NDST3: variants seen among roughly 807,000 people sequenced by gnomAD.
NDST3 encodes bifunctional heparan sulfate N-deacetylase/N-sulfotransferase 3.
In NDST3, 58 loss-of-function variants were observed where a neutral mutation model predicts 96.1. That is an observed-to-expected ratio of 0.60 (90% CI 0.49 to 0.75). The LOEUF is 0.75. NDST3 is among the 30% of genes least tolerant of loss of function. The pLI is 0.00. For synonymous variants in NDST3, 333 were observed against 359.7 expected, an observed-to-expected ratio of 0.93 and a Z score of 0.84; for missense variants, 788 against 1,034.2, an observed-to-expected ratio of 0.76 and a Z score of 3.27.
chr4:118,222,708 G>A (rs1005351756), intron 6 of NDST3, among the ~76,000 whole-genome samples: 1 of 151,934 alleles, frequency 6.6e-6, no homozygotes, highest in Admixed American at 6.6e-5. Context: ...TTCCAAATCA[G>A]GTTCAGTTTC....
intron 1 of NDST3, among the ~76,000 whole-genome samples, chr4:118,046,087 G>T (rs1280740107): frequency 6.6e-6 from 1 of 152,088 alleles, no homozygotes; most frequent in East Asian, 1.9e-4. Flanking sequence ...AAAGTAGATG[G>T]AGATGCAATG....
chr4:118,252,746 CT>C (rs751940055), intron 12 of NDST3, among the ~76,000 whole-genome samples: 1 of 152,072 alleles, frequency 6.6e-6, no homozygotes, highest in Non-Finnish European at 1.5e-5. Context: ...CAAAAATTAG[CT>C]GCGCATGATG....
At chr4:118,092,212 A>G (rs373383661) in intron 2 of NDST3, among the ~76,000 whole-genome samples, 91 of 127,772 alleles carry the variant, frequency 7.1e-4, no homozygotes, top group African/African-American at 2.2e-3. Flanking sequence ...TCCCTAAGGT[A>G]GGTATTTTCA....
intron 6 of NDST3, among the ~76,000 whole-genome samples, chr4:118,179,355 T>C (rs567399343): frequency 6.6e-6 from 1 of 152,160 alleles, no homozygotes; most frequent in East Asian, 1.9e-4. Flanking sequence ...TTTATTCCTA[T>C]AAATCAGATA....
chr4:118,055,154 A>C, intron 2 of NDST3: 1 of 476,286 alleles, frequency 2.1e-6, no homozygotes, highest in Non-Finnish European at 3.8e-6. Context: ...ACTAGAGTAG[A>C]AGTCATTTCG....
chr4:118,135,512 T>C (rs1489779841), intron 4 of NDST3, among the ~76,000 whole-genome samples: 1 of 152,172 alleles, frequency 6.6e-6, no homozygotes, highest in Non-Finnish European at 1.5e-5. Flanking sequence ...TCCAGAACTA[T>C]ACTATCTTCC....
At chr4:118,192,815 T>C (rs953240921) in intron 6 of NDST3, among the ~76,000 whole-genome samples, 1 of 151,982 alleles carries the variant, frequency 6.6e-6, no homozygotes, top group Non-Finnish European at 1.5e-5. Flanking sequence ...TGAGGGGGTT[T>C]GGGGACACAA....
chr4:118,201,693 T>C (rs1738098112), intron 6 of NDST3, among the ~76,000 whole-genome samples: 1 of 152,222 alleles, frequency 6.6e-6, no homozygotes, highest in South Asian at 2.1e-4. Context: ...TAGGCCATTG[T>C]TGGATGCATA....
chr4:118,193,345 C>G (rs1737437432), intron 6 of NDST3: 1 of 440,180 alleles, frequency 2.3e-6, no homozygotes, highest in South Asian at 3.6e-5. Flanking sequence ...ACAAAACTAA[C>G]AGGGCAGAGT....
At chr4:118,127,540 C>T (rs923029349) in intron 4 of NDST3, among the ~76,000 whole-genome samples, 4 of 151,968 alleles carry the variant, frequency 2.6e-5, no homozygotes, top group Non-Finnish European at 5.9e-5. Context: ...TGTTCTATTC[C>T]ATTGGTCTAT....
rs1033026192 is a variant in NDST3 at position 118,237,008 on chromosome 4, A to G, written c.1944-38A>G. 7 of 1,499,636 alleles carry G rather than the reference A, an allele frequency of 4.7e-6. No individual in the cohort carries two copies. In the African/African-American group the frequency reaches 7.0e-5, roughly 15 times the overall value. 92.9% of individuals were successfully genotyped at this position (1,499,636 alleles called of 1,614,324 possible). ...TCTTTGGTCACCAGAATGAGTATAA[A>G]CCAGAATCTTATTTTGAGAAAAATA... On this transcript the variant is annotated intron_variant, in intron 9 of 13. Transcript: ENST00000296499.
At position 118,138,123 on chromosome 4, in the gene NDST3, G is replaced by A. The variant is rs754311821; in HGVS notation, c.1294G>A (p.Val432Ile). The A allele has an allele frequency of 5.0e-6, 8 of 1,613,966 alleles. No homozygotes were observed. The highest frequency in any genetic ancestry group is 1.7e-5 in the Admixed American group (1 of 59,998). The change falls in exon 5 of 14, where the codon GTT becomes ATT. Residue 432 changes from valine (V) to isoleucine (I), a missense_variant. Physicochemically the swap from Val to Ile is conservative, Grantham distance 29 (BLOSUM62 3). Around this residue, in one of 3 missense-constraint regions of NDST3, gnomAD observed 490 missense variants for 708.8 expected, o/e 0.69. Coordinates refer to ENST00000296499, the MANE Select transcript of NDST3 (RefSeq NM_004784.3). ...PHHSGVYPVH[V>I]QLYEAWKKVW... ...CCATTCGGGCGTCTACCCTGTACAT[G>A]TTCAGCTTTATGAGGCCTGGAAGAA...
At chr4:118,098,552 T>C (rs1412321776) in intron 2 of NDST3, among the ~76,000 whole-genome samples, 2 of 152,036 alleles carry the variant, frequency 1.3e-5, no homozygotes, top group East Asian at 3.9e-4. Context: ...AGAACTCCTC[T>C]GGGAAAATCA....
chr4:118,147,686 T>C (rs541622979), intron 6 of NDST3, among the ~76,000 whole-genome samples: 4 of 152,306 alleles, frequency 2.6e-5, no homozygotes, highest in African/African-American at 4.8e-5. Flanking sequence ...GTTCCACCTA[T>C]CTTAGGAAGA....
intron 6 of NDST3, among the ~76,000 whole-genome samples, chr4:118,222,391 T>C (rs1578835836): frequency 1.3e-5 from 2 of 151,806 alleles, no homozygotes; most frequent in East Asian, 3.9e-4. Flanking sequence ...GAAAATATTG[T>C]GATTCATGAA....
intron 2 of NDST3, among the ~76,000 whole-genome samples, chr4:118,074,138 T>G (rs1727304527): frequency 6.6e-6 from 1 of 152,092 alleles, no homozygotes; most frequent in Admixed American, 6.6e-5. Context: ...GATCTGACAG[T>G]TTGGTTGGTA....
intron 4 of NDST3, among the ~76,000 whole-genome samples, chr4:118,126,392 G>A (rs1407116524): frequency 2.0e-5 from 3 of 151,562 alleles, no homozygotes; most frequent in Non-Finnish European, 4.4e-5. Context: ...CTGTGTCTTG[G>A]TTATTTCACT....
At chr4:118,058,457 T>C (rs1578550185) in intron 2 of NDST3, among the ~76,000 whole-genome samples, 1 of 147,100 alleles carries the variant, frequency 6.8e-6, no homozygotes. Context: ...CAGACCTAAG[T>C]TGAGGTCTTT....
intron 4 of NDST3, among the ~76,000 whole-genome samples, chr4:118,120,712 T>C (rs1239410009): frequency 6.6e-6 from 1 of 152,158 alleles, no homozygotes; most frequent in Non-Finnish European, 1.5e-5. Flanking sequence ...GGCATGATGC[T>C]TTCTCCCGGT....
Sources: gnomAD v4.1 joint callset for allele counts (sites outside exome capture counted in the v4.1 genomes callset) on GRCh38, gnomAD v4.1.1 for gene constraint, gnomAD v4.1.1 regional missense constraint, MANE v1.5 for transcripts, NCBI Gene and HGNC (gene_info 2026-07-23, HGNC 2026-07-21) for gene names.